HSD17B12: variants seen among roughly 807,000 people sequenced by gnomAD.
The protein encoded by HSD17B12 is hydroxysteroid 17-beta dehydrogenase 12.
HSD17B12 carries 32 observed loss-of-function variants against 39.3 expected under a neutral mutation model. The ratio of observed to expected loss-of-function variants is 0.81; its 90% CI spans 0.61 to 1.09. The LOEUF is 1.09. Among genes scored for constraint, HSD17B12 ranks in the 50% least tolerant of loss-of-function variants. HSD17B12 has a pLI of 0.00. For missense variants in HSD17B12, 342 were observed against 382.9 expected, an observed-to-expected ratio of 0.89 and a Z score of 0.89; for synonymous variants, 150 against 146.7, an observed-to-expected ratio of 1.02 and a Z score of -0.16.
chr11:43,798,964 TG>T (rs1476971367), intron 4 of HSD17B12, among the ~76,000 whole-genome samples: 1 of 152,158 alleles, frequency 6.6e-6, no homozygotes, highest in Admixed American at 6.6e-5. Flanking sequence ...CCAGTATTTT[TG>T]ACCCGTCACT....
At chr11:43,829,039 GGTTAA>G (rs940297644) in intron 6 of HSD17B12, among the ~76,000 whole-genome samples, 4 of 152,076 alleles carry the variant, frequency 2.6e-5, no homozygotes, top group Non-Finnish European at 5.9e-5. Flanking sequence ...GCAGATTTCA[GGTTAA>G]GTTTTCTCAG....
the HSD17B12 span, among the ~76,000 whole-genome samples, chr11:43,664,474 C>T: frequency 2.6e-5 from 4 of 152,182 alleles, no homozygotes; most frequent in Non-Finnish European, 5.9e-5. Flanking sequence ...GGCCTATGTG[C>T]CAGCCGATCC....
intron 1 of HSD17B12, among the ~76,000 whole-genome samples, chr11:43,710,976 AGAG>A (rs1950059790): frequency 6.6e-6 from 1 of 152,126 alleles, no homozygotes; most frequent in Non-Finnish European, 1.5e-5. Flanking sequence ...TATTTTTAGT[AGAG>A]ATAGGGTTTC....
At chr11:43,634,681 T>A in the HSD17B12 span, among the ~76,000 whole-genome samples, 1 of 152,178 alleles carries the variant, frequency 6.6e-6, no homozygotes, top group Non-Finnish European at 1.5e-5. Flanking sequence ...TGTATCCAGT[T>A]CTCTCCAGTG....
intron 4 of HSD17B12, among the ~76,000 whole-genome samples, chr11:43,798,984 C>A (rs1359150108): frequency 6.6e-6 from 1 of 152,038 alleles, no homozygotes; most frequent in Admixed American, 6.6e-5. Flanking sequence ...CTGGTTGAAT[C>A]CATGAATGTG....
the HSD17B12 span, among the ~76,000 whole-genome samples, chr11:43,633,618 GAGA>G: frequency 6.6e-6 from 1 of 152,134 alleles, no homozygotes; most frequent in Non-Finnish European, 1.5e-5. Context: ...TGGATTCTGA[GAGA>G]AGGAGAATGA....
At chr11:43,789,669 T>C (rs11037639) in intron 3 of HSD17B12, among the ~76,000 whole-genome samples, 2,764 of 152,280 alleles carry the variant, frequency 0.018, 76 homozygotes, top group African/African-American at 0.048. Context: ...AAGGGTAGGC[T>C]AGCCATTGTG....
the HSD17B12 span, among the ~76,000 whole-genome samples, chr11:43,557,868 G>T: frequency 4.6e-5 from 7 of 152,120 alleles, no homozygotes; most frequent in Admixed American, 3.9e-4. Flanking sequence ...TGCTGTAACG[G>T]GGGGGAGCCT....
At chr11:43,751,470 C>T (rs377155876) in intron 2 of HSD17B12, among the ~76,000 whole-genome samples, 16 of 152,182 alleles carry the variant, frequency 1.1e-4, no homozygotes, top group African/African-American at 3.4e-4. Flanking sequence ...AAGCAGGAGC[C>T]GGGGCAGTAT....
At chr11:43,677,798 T>A (rs917268074), upstream of HSD17B12, among the ~76,000 whole-genome samples, 2 of 152,244 alleles carry the variant, frequency 1.3e-5, no homozygotes, top group Non-Finnish European at 2.9e-5. Context: ...CTGTATAGTA[T>A]TCCATGGTGT....
At chr11:43,807,941 A>G (rs1377410888) in intron 4 of HSD17B12, among the ~76,000 whole-genome samples, 1 of 152,204 alleles carries the variant, frequency 6.6e-6, no homozygotes, top group Non-Finnish European at 1.5e-5. Context: ...TATAAGGTAG[A>G]TATTGATATT....
chr11:43,791,653 A>G (rs1258505229), intron 3 of HSD17B12, among the ~76,000 whole-genome samples: 3 of 152,212 alleles, frequency 2.0e-5, no homozygotes, highest in Non-Finnish European at 2.9e-5. Context: ...CAACGTTGTT[A>G]TATGAAAATT....
chr11:43,747,554 G>A (rs1950423212), intron 1 of HSD17B12, among the ~76,000 whole-genome samples: 1 of 152,198 alleles, frequency 6.6e-6, no homozygotes, highest in South Asian at 2.1e-4. Context: ...CATGCTCAGA[G>A]TGAGAGCTGC....
chr11:43,681,272 C>A (rs1042553956), intron 1 of HSD17B12: 3 of 595,328 alleles, frequency 5.0e-6, no homozygotes, highest in Non-Finnish European at 7.0e-6. Context: ...GGGGCTTGTG[C>A]CCTTTAAGCC....
At chr11:43,559,812 T>A in the HSD17B12 span, 1 of 156,060 alleles carries the variant, frequency 6.4e-6, no homozygotes, top group Non-Finnish European at 1.5e-5. Flanking sequence ...AAGAATGAAG[T>A]CCGACTTTTA....
intron 9 of HSD17B12, among the ~76,000 whole-genome samples, chr11:43,850,676 C>T (rs146635011): frequency 3.6e-4 from 55 of 152,332 alleles, no homozygotes; most frequent in Middle Eastern, 3.4e-3. Context: ...TACTCCATGG[C>T]CATAAGCCTT....
the HSD17B12 span, among the ~76,000 whole-genome samples, chr11:43,597,934 C>A: frequency 1.3e-5 from 2 of 152,044 alleles, no homozygotes; most frequent in Non-Finnish European, 2.9e-5. Flanking sequence ...CGCGCCCAGC[C>A]CCCTCCTGCT....
At chr11:43,636,440 A>C in the HSD17B12 span, among the ~76,000 whole-genome samples, 4 of 152,196 alleles carry the variant, frequency 2.6e-5, no homozygotes, top group Non-Finnish European at 5.9e-5. Flanking sequence ...TCAACAGTTA[A>C]GGTCCTGGAC....
At chr11:43,560,677 T>C in the HSD17B12 span, among the ~76,000 whole-genome samples, 1 of 152,172 alleles carries the variant, frequency 6.6e-6, no homozygotes, top group Non-Finnish European at 1.5e-5. Context: ...ACACACATTC[T>C]CTATTATCCC....
Sources: gnomAD v4.1 joint callset for allele counts (sites outside exome capture counted in the v4.1 genomes callset) on GRCh38, gnomAD v4.1.1 for gene constraint, MANE v1.5 for transcripts, NCBI Gene and HGNC (gene_info 2026-07-23, HGNC 2026-07-21) for gene names.